ARL8B: variants seen among roughly 807,000 people sequenced by gnomAD.
ARL8B encodes ADP-ribosylation factor-like protein 8B.
A neutral mutation model predicts 30.6 loss-of-function variants in ARL8B; 9 were observed. The ratio of observed to expected loss-of-function variants is 0.29; its 90% CI spans 0.18 to 0.51. The LOEUF is 0.51. Ranked by LOEUF, ARL8B falls within the 20% of genes least tolerant of loss-of-function variation. The pLI is 0.97. For missense variants in ARL8B, 130 were observed against 227.2 expected (o/e 0.57, Z 2.75); for synonymous variants, 74 against 76.0 (o/e 0.97, Z 0.14).
intron 1 of ARL8B, among the ~76,000 whole-genome samples, chr3:5,168,849 A>AT (rs2054645672): frequency 6.6e-6 from 1 of 152,184 alleles, no homozygotes; most frequent in Non-Finnish European, 1.5e-5. Flanking sequence ...TTTAGCTACT[A>AT]TTTTTCCTGC....
intron 1 of ARL8B, among the ~76,000 whole-genome samples, chr3:5,129,610 G>A (rs2054264024): frequency 1.3e-5 from 2 of 152,090 alleles, no homozygotes; most frequent in Non-Finnish European, 2.9e-5. Context: ...GCATGATCAT[G>A]GCTTATTGCA....
intron 1 of ARL8B, among the ~76,000 whole-genome samples, chr3:5,153,159 C>T (rs553629475): frequency 5.3e-5 from 8 of 152,206 alleles, no homozygotes; most frequent in East Asian, 3.9e-4. Flanking sequence ...ACCTTAGCAA[C>T]GTAGAGGCCC....
chr3:5,122,689 C>G (rs2054192416), intron 1 of ARL8B, 101 bp downstream of exon 1: 3 of 1,334,814 alleles, frequency 2.2e-6, no homozygotes, highest in South Asian at 3.0e-5. Context: ...CGCGATGGGA[C>G]TGATGGCGGG....
At chr3:5,139,269 T>G (rs1370706205) in intron 1 of ARL8B, among the ~76,000 whole-genome samples, 1 of 152,196 alleles carries the variant, frequency 6.6e-6, no homozygotes, top group African/African-American at 2.4e-5. Flanking sequence ...ATGGTTTGCT[T>G]CCTCCAGAGT....
chr3:5,171,953 C>T (rs1438624959), intron 2 of ARL8B, among the ~76,000 whole-genome samples, 197 bp from the exon 3 acceptor site: 2 of 152,198 alleles, frequency 1.3e-5, no homozygotes, highest in East Asian at 3.8e-4. Context: ...GTATTAAATA[C>T]GGACTTCAAG....
At chr3:5,162,537 T>C (rs990118080) in intron 1 of ARL8B, among the ~76,000 whole-genome samples, 1 of 152,214 alleles carries the variant, frequency 6.6e-6, no homozygotes, top group Non-Finnish European at 1.5e-5. Context: ...CTGAGTTTTT[T>C]GTTTATCTGG....
intron 1 of ARL8B, among the ~76,000 whole-genome samples, chr3:5,128,162 CAAAAAAAAAAAA>C (rs35084667): frequency 1.9e-5 from 1 of 53,152 alleles, no homozygotes; most frequent in Non-Finnish European, 4.3e-5. Context: ...AAATCCGTCT[CAAAAAAAAAAAA>C]AAAAAAAAAG....
chr3:5,172,090 C>T, intron 2 of ARL8B, 60 bp from the exon 3 acceptor site: 6 of 1,443,768 alleles, frequency 4.2e-6, no homozygotes, highest in Admixed American at 3.6e-5. Flanking sequence ...TCTGTTACTT[C>T]CTCTTGCAAT....
chr3:5,144,230 A>G (rs1446014152), intron 1 of ARL8B, among the ~76,000 whole-genome samples: 4 of 152,200 alleles, frequency 2.6e-5, no homozygotes, highest in Non-Finnish European at 4.4e-5. Flanking sequence ...TTGGGAGTGG[A>G]AAGACTTCCA....
chr3:5,135,673 G>C (rs1242655646), intron 1 of ARL8B, among the ~76,000 whole-genome samples: 1 of 151,732 alleles, frequency 6.6e-6, no homozygotes, highest in Admixed American at 6.6e-5. Flanking sequence ...TGTCCAGGCT[G>C]GTCTCAAACT....
At chr3:5,142,430 C>T (rs774522867) in intron 1 of ARL8B, among the ~76,000 whole-genome samples, 6 of 152,112 alleles carry the variant, frequency 3.9e-5, no homozygotes, top group South Asian at 2.1e-4. Flanking sequence ...TTTCCCCATG[C>T]GTCCTTGTCC....
At chr3:5,130,744 C>T (rs1182206264) in intron 1 of ARL8B, among the ~76,000 whole-genome samples, 1 of 151,706 alleles carries the variant, frequency 6.6e-6, no homozygotes, top group Non-Finnish European at 1.5e-5. Flanking sequence ...CTACGTTGGC[C>T]AGGCGAGTCT....
chr3:5,123,692 A>G (rs899333303), intron 1 of ARL8B, among the ~76,000 whole-genome samples: 8 of 152,236 alleles, frequency 5.3e-5, no homozygotes, highest in Non-Finnish European at 1.2e-4. Context: ...TGATTCAAAC[A>G]CAGCTTTCAT....
chr3:5,154,802 C>T (rs142519136), intron 1 of ARL8B, among the ~76,000 whole-genome samples: 37 of 152,350 alleles, frequency 2.4e-4, no homozygotes, highest in Admixed American at 6.5e-4. Flanking sequence ...CCTCTGCCTC[C>T]GGGGTTCATG....
At chr3:5,130,515 C>T (rs1025481291) in intron 1 of ARL8B, among the ~76,000 whole-genome samples, 1 of 151,474 alleles carries the variant, frequency 6.6e-6, no homozygotes, top group Non-Finnish European at 1.5e-5. Flanking sequence ...ATGCTGCTTG[C>T]TTGCTTGTGT....
intron 1 of ARL8B, among the ~76,000 whole-genome samples, chr3:5,137,457 A>G (rs1343845958): frequency 8.2e-5 from 8 of 98,058 alleles, no homozygotes; most frequent in South Asian, 6.4e-4. Context: ...TTTTTTTTTG[A>G]GATGGAGTCT....
intron 1 of ARL8B, chr3:5,156,991 G>A (rs549880583): frequency 5.3e-5 from 8 of 152,224 alleles, no homozygotes; most frequent in African/African-American, 1.9e-4. Flanking sequence ...TGGATACTTC[G>A]AGTACTGCGA....
chr3:5,178,666 A>G lies in ARL8B; in HGVS notation c.514A>G (p.Ile172Val). Residue 172 changes from isoleucine (I) to valine (V), a missense_variant and splice_region_variant, in exon 7 of 7, where the codon ATC becomes GTC. Ile to Val is a conservative substitution (Grantham distance 29). Coordinates refer to ENST00000256496, the MANE Select transcript of ARL8B (RefSeq NM_018184.3). Reference protein sequence around the residue: ...ISCKEKDNIDITLQWLIQHSK... With the variant: ...ISCKEKDNIDVTLQWLIQHSK... The stretch of plus-strand genomic sequence containing the variant: ...TCACTTTTCCCCTCTATCTTTAGAT[A>G]TCACACTTCAGTGGCTTATTCAGCA... The G allele has an allele frequency of 1.2e-6, 2 of 1,608,724 alleles. No individual in the cohort carries two copies. Among genetic ancestry groups the G allele is most frequent in the Non-Finnish European group, 1.7e-6 (2 of 1,177,780 alleles).
At chr3:5,171,686 G>A (rs1178037340) in intron 2 of ARL8B, among the ~76,000 whole-genome samples, 1 of 152,180 alleles carries the variant, frequency 6.6e-6, no homozygotes, top group Non-Finnish European at 1.5e-5. Context: ...ATGTGGAAAT[G>A]TTGGCTACTT....
Sources: gnomAD v4.1 joint callset for allele counts (sites outside exome capture counted in the v4.1 genomes callset) on GRCh38, gnomAD v4.1.1 for gene constraint, MANE v1.5 for transcripts, NCBI Gene and HGNC (gene_info 2026-07-23, HGNC 2026-07-21) for gene names.